Variants in GRIK4 observed in about 807,000 individuals in gnomAD.
GRIK4 encodes the protein glutamate receptor ionotropic, kainate 4.
GRIK4 carries 40 observed loss-of-function variants against 104.9 expected under a neutral mutation model. That is an observed-to-expected ratio of 0.38 (90% CI 0.30 to 0.50). The LOEUF (loss-of-function observed/expected upper bound fraction) is 0.50, where lower values mean the gene tolerates loss of function less well. GRIK4 is among the 20% of genes least tolerant of loss of function. GRIK4 has a pLI of 0.93. For missense variants in GRIK4, 1,047 were observed against 1,308.1 expected (o/e 0.80, Z 3.08); for synonymous variants, 485 against 524.9 (o/e 0.92, Z 1.04).
At chr11:120,676,071 A>G (rs921718149) in intron 3 of GRIK4, among the ~76,000 whole-genome samples, 1 of 152,166 alleles carries the variant, frequency 6.6e-6, no homozygotes, top group African/African-American at 2.4e-5. Context: ...TTGTGGTTAT[A>G]GGATGGGGGG....
In GRIK4 at chr11:120,738,056, G is replaced by T. The variant is rs903836391; in HGVS notation, c.83-64637G>T. ...GACAGCCCAGGACTGAGCCTTGGGG[G>T]CACTCCAATGTTTGAACGTCTGGTA... On this transcript the variant is annotated intron_variant, in intron 3 of 20. Coordinates refer to ENST00000527524, the MANE Select transcript of GRIK4 (RefSeq NM_014619.5). Among the ~76,000 whole-genome samples the T allele has an allele frequency of 2.7e-5, 4 of 146,618 alleles. No homozygotes were observed. The Admixed American group carries it at 2.8e-4, about 10-fold the overall frequency.
At chr11:120,977,608 C>T (rs1391901111) in intron 19 of GRIK4, among the ~76,000 whole-genome samples, 2 of 152,220 alleles carry the variant, frequency 1.3e-5, no homozygotes, top group Non-Finnish European at 2.9e-5. Context: ...GAATGGTATA[C>T]AAGCCTTGCT....
chr11:120,928,213 T>TAAAAA (rs5795252), intron 13 of GRIK4, among the ~76,000 whole-genome samples: 4 of 126,338 alleles, frequency 3.2e-5, no homozygotes, highest in Non-Finnish European at 4.8e-5. Flanking sequence ...GACTCCGTCT[T>TAAAAA]AAAAAAAAAA....
Position 120,819,661 on chromosome 11 carries a change from A to G in GRIK4, c.346-94A>G. 6.8e-6 allele frequency: 8 copies of G among 1,174,120 alleles called. No homozygotes were observed. Among genetic ancestry groups the G allele is most frequent in the Non-Finnish European group, 1.0e-5 (8 of 794,556 alleles). 72.7% of individuals were successfully genotyped at this position (1,174,120 alleles called of 1,614,324 possible). Reference sequence around the variant, plus strand: ...TCTGGCGAAGGTGTTACATAAAAGAACTCACCCTCCACAACCTCAGCTCAC... The same window carrying G: ...TCTGGCGAAGGTGTTACATAAAAGAGCTCACCCTCCACAACCTCAGCTCAC... On this transcript the variant is annotated intron_variant, in intron 5 of 20. Coordinates refer to ENST00000527524, the MANE Select transcript of GRIK4 (RefSeq NM_014619.5). This position sits in a 1 kb window ranked among gnomAD's most constrained non-coding sequence, Gnocchi z 4.3.
intron 3 of GRIK4, among the ~76,000 whole-genome samples, chr11:120,709,343 G>C (rs1342455915): frequency 6.6e-6 from 1 of 151,980 alleles, no homozygotes; most frequent in Non-Finnish European, 1.5e-5. Context: ...GCCGTGTGTT[G>C]TGTTACATGT....
At chr11:120,923,506 G>A (rs1000207003) in intron 13 of GRIK4, among the ~76,000 whole-genome samples, 9 of 139,214 alleles carry the variant, frequency 6.5e-5, no homozygotes, top group Non-Finnish European at 1.1e-4. Context: ...TCCGCCTCCC[G>A]GGTTCACACC....
At chr11:120,799,040 A>G (rs931245670) in intron 3 of GRIK4, among the ~76,000 whole-genome samples, 50 of 152,272 alleles carry the variant, frequency 3.3e-4, no homozygotes, top group African/African-American at 1.1e-3. Flanking sequence ...TGCAGGCGTA[A>G]TTGTGGCCTT....
chr11:120,963,981 T>TTA (rs1309543306), intron 18 of GRIK4, among the ~76,000 whole-genome samples: 318 of 5,082 alleles, frequency 0.063, no homozygotes, highest in African/African-American at 0.21. Flanking sequence ...ATTTATTTAT[T>TTA]TATTTATTTA....
chr11:120,513,424 C>T lies in GRIK4; in HGVS notation c.-159+1537C>T, dbSNP rs1240290564. Among the ~76,000 whole-genome samples the T allele has an allele frequency of 6.6e-6, 1 of 152,104 alleles. No individual in the cohort carries two copies. The highest frequency in any genetic ancestry group is 2.4e-5 in the African/African-American group (1 of 41,416). ...GCGTGGTCAGGGGCGAGGGGCTTGT[C>T]GAGGTCCACTGTGTTCCGGTCCCAC... On this transcript the variant is annotated intron_variant, in intron 1 of 20. Transcript: ENST00000527524. This position sits in a 1 kb window ranked among gnomAD's most constrained non-coding sequence, Gnocchi z 4.5.
chr11:120,773,106 G>A (rs955599050), intron 3 of GRIK4, among the ~76,000 whole-genome samples: 1 of 152,162 alleles, frequency 6.6e-6, no homozygotes, highest in African/African-American at 2.4e-5. Flanking sequence ...AACAGTAGAT[G>A]TTGATATTTT....
chr11:120,697,950 A>G (rs531805356), intron 3 of GRIK4, among the ~76,000 whole-genome samples: 18 of 152,182 alleles, frequency 1.2e-4, no homozygotes, highest in African/African-American at 4.1e-4. Context: ...TCCTGCTCAT[A>G]GAAGAGGCCA....
chr11:120,688,567 C>G (rs1247750706), intron 3 of GRIK4, among the ~76,000 whole-genome samples: 1 of 152,122 alleles, frequency 6.6e-6, no homozygotes, highest in African/African-American at 2.4e-5. Context: ...GCCCAGGAGG[C>G]CTCGATACTT....
chr11:120,553,319 G>A (rs1216181577), intron 1 of GRIK4, among the ~76,000 whole-genome samples: 2 of 152,172 alleles, frequency 1.3e-5, no homozygotes, highest in Admixed American at 6.5e-5. Context: ...ATGTGGCACT[G>A]GGGACACCCA....
chr11:120,821,233 G>A (rs980749402), intron 6 of GRIK4, among the ~76,000 whole-genome samples: 11 of 152,238 alleles, frequency 7.2e-5, no homozygotes, highest in Admixed American at 2.0e-4. Context: ...GTGGCCAGTC[G>A]AGGAGAGTGT....
intron 1 of GRIK4, among the ~76,000 whole-genome samples, chr11:120,551,322 C>T (rs1036350835): frequency 1.6e-4 from 24 of 152,168 alleles, no homozygotes; most frequent in Non-Finnish European, 3.2e-4. Flanking sequence ...TTCACCTGCC[C>T]AAGGCAAGAC....
chr11:120,536,210 A>G lies in GRIK4; in HGVS notation c.-159+24323A>G, dbSNP rs542772571. Among the ~76,000 whole-genome samples the G allele has an allele frequency of 3.9e-5, 6 of 152,368 alleles. No homozygotes were observed. The East Asian group carries it at 1.2e-3, about 29-fold the overall frequency. On this transcript the variant is annotated intron_variant, in intron 1 of 20. Transcript: ENST00000527524. Reference sequence around the variant, plus strand: ...AGTGTTAGGCTATTTTCCTGCAACAATTCGAAAGAGTGTATGAAGCAGATG... The same window carrying G: ...AGTGTTAGGCTATTTTCCTGCAACAGTTCGAAAGAGTGTATGAAGCAGATG...
At chr11:120,889,763 C>T (rs1592044609) in intron 11 of GRIK4, among the ~76,000 whole-genome samples, 1 of 151,932 alleles carries the variant, frequency 6.6e-6, no homozygotes, top group East Asian at 1.9e-4. Context: ...TGCCACTACT[C>T]CTGATTAATT....
At chr11:120,975,877 C>G (rs1445206392) in intron 19 of GRIK4, among the ~76,000 whole-genome samples, 1 of 152,134 alleles carries the variant, frequency 6.6e-6, no homozygotes, top group Non-Finnish European at 1.5e-5. Flanking sequence ...GGCAAGTTAC[C>G]TAACTCCTCT....
At chr11:120,669,595 C>T (rs1949979879) in intron 3 of GRIK4, among the ~76,000 whole-genome samples, 1 of 152,252 alleles carries the variant, frequency 6.6e-6, no homozygotes, top group South Asian at 2.1e-4. Context: ...GTCCCCAGGC[C>T]CCATCTTACT....
Sources: gnomAD v4.1 joint callset for allele counts (sites outside exome capture counted in the v4.1 genomes callset) on GRCh38, gnomAD v4.1.1 for gene constraint, Gnocchi (gnomAD v3.1) non-coding constraint, MANE v1.5 for transcripts, NCBI Gene and HGNC (gene_info 2026-07-23, HGNC 2026-07-21) for gene names.